CNOT11: variants seen among roughly 807,000 people sequenced by gnomAD.
CNOT11 encodes the protein UPF0760 protein C2orf29.
CNOT11 carries 18 observed loss-of-function variants against 44.6 expected under a neutral mutation model. The ratio of observed to expected loss-of-function variants is 0.40; its 90% CI spans 0.28 to 0.60. The LOEUF (loss-of-function observed/expected upper bound fraction) is 0.60, where lower values mean the gene tolerates loss of function less well. Ranked by LOEUF, CNOT11 falls within the 20% of genes least tolerant of loss-of-function variation. The probability of loss-of-function intolerance (pLI) is 0.38; values close to 1 mark genes in which losing one functional copy is unlikely to be tolerated. For synonymous variants in CNOT11, 291 were observed against 270.9 expected (o/e 1.07, Z -0.73); for missense variants, 513 against 677.0 (o/e 0.76, Z 2.69).
Position 101,269,684 on chromosome 2 carries a change from GTTTC to G in CNOT11, c.*275_*278del, listed in dbSNP as rs1051757047. 5.3e-5 allele frequency: 16 copies of G among 300,858 alleles called. No homozygotes were observed. Among genetic ancestry groups the G allele is most frequent in the African/African-American group, 2.4e-4 (11 of 46,168 alleles). 18.6% of individuals were successfully genotyped at this position (300,858 alleles called of 1,614,324 possible). ...AAAAGTTCCGCAAAAAAGTAGATGA[GTTTC>G]TTTTTTTTTTAAGCACTAAAGAACA... On this transcript the variant is annotated 3_prime_UTR_variant, in exon 7 of 7. Coordinates refer to ENST00000289382, the MANE Select transcript of CNOT11 (RefSeq NM_017546.5). This position sits in a 1 kb window ranked among gnomAD's most constrained non-coding sequence, Gnocchi z 4.8.
chr2:101,257,770 G>A (rs370825135), intron 1 of CNOT11, 21 bp from the exon 2 acceptor site: 44 of 1,595,760 alleles, frequency 2.8e-5, no homozygotes, highest in African/African-American at 2.2e-4. Context: ...TGGAGAAATC[G>A]TTATACATTT....
At chr2:101,254,357 G>T (rs1273773118) in intron 1 of CNOT11, among the ~76,000 whole-genome samples, 13 of 152,252 alleles carry the variant, frequency 8.5e-5, no homozygotes, top group African/African-American at 2.9e-4. Flanking sequence ...AGTAGATTTT[G>T]AAGTAACACC....
chr2:101,256,272 G>A (rs1177639812), intron 1 of CNOT11, among the ~76,000 whole-genome samples: 2 of 152,188 alleles, frequency 1.3e-5, no homozygotes, highest in African/African-American at 2.4e-5. Context: ...TTGTAATGGT[G>A]TAGAAATCTG....
At chr2:101,256,136 C>CA (rs34000200) in intron 1 of CNOT11, among the ~76,000 whole-genome samples, 62,182 of 138,422 alleles carry the variant, frequency 0.45, 13,437 homozygotes, top group South Asian at 0.53. Flanking sequence ...GAGACTGCCT[C>CA]AAAAAAAAAA....
intron 5 of CNOT11, 27 bp downstream of exon 5, chr2:101,266,906 G>C: frequency 1.3e-6 from 2 of 1,553,336 alleles, no homozygotes; most frequent in Non-Finnish European, 1.8e-6. Context: ...GATCAAATGT[G>C]TGGGGATAGA....
intron 5 of CNOT11, among the ~76,000 whole-genome samples, chr2:101,268,587 T>C (rs923308109): frequency 2.0e-5 from 3 of 152,196 alleles, no homozygotes; most frequent in African/African-American, 7.2e-5. Flanking sequence ...GAAAAAAGTT[T>C]TGAGGTCTGT....
intron 1 of CNOT11, among the ~76,000 whole-genome samples, chr2:101,256,013 C>T (rs1169879843): frequency 3.3e-5 from 5 of 152,034 alleles, no homozygotes; most frequent in Admixed American, 6.6e-5. Flanking sequence ...ATGGTGCACT[C>T]CTGTAATCCC....
At chr2:101,255,494 CAAA>C (rs200722137) in intron 1 of CNOT11, among the ~76,000 whole-genome samples, 2 of 132,218 alleles carry the variant, frequency 1.5e-5, no homozygotes. Context: ...GACTCCGTCT[CAAA>C]AAAAAAAAAA....
At chr2:101,254,234 A>G (rs188577895) in intron 1 of CNOT11, among the ~76,000 whole-genome samples, 335 of 152,292 alleles carry the variant, frequency 2.2e-3, no homozygotes, top group Admixed American at 4.4e-3. Flanking sequence ...CGGGACCTGA[A>G]GGATTTAGGA....
chr2:101,255,011 A>G (rs1681707270), intron 1 of CNOT11, among the ~76,000 whole-genome samples: 2 of 152,212 alleles, frequency 1.3e-5, no homozygotes, highest in Admixed American at 1.3e-4. Context: ...TCTCATGTAC[A>G]GTGAATCTAA....
In CNOT11 at chr2:101,262,585, T is replaced by G; in HGVS notation, c.726T>G (p.Ser242Arg). The change falls in exon 3 of 7, where the codon AGT (serine) becomes AGG (arginine). Residue 242 changes from serine (S) to arginine (R), a missense_variant. Physicochemically the swap from Ser to Arg is moderately radical, Grantham distance 110. This residue lies in a region of CNOT11 where 140 missense variants were observed against 169.8 expected (regional missense o/e 0.82). Coordinates refer to ENST00000289382, the MANE Select transcript of CNOT11 (RefSeq NM_017546.5). ...LPTQSKASFPSILSDPDPDSS... is the reference protein window; with the variant it reads ...LPTQSKASFPRILSDPDPDSS... ...CGCAAAGCAAAGCGAGCTTCCCCAGTATTCTCAGTGACCCAGACCCGGATT... is the reference window on the plus strand; with the variant it reads ...CGCAAAGCAAAGCGAGCTTCCCCAGGATTCTCAGTGACCCAGACCCGGATT... 1 of 1,614,162 alleles carries G rather than the reference T, an allele frequency of 6.2e-7. No homozygotes were observed. Among genetic ancestry groups the G allele is most frequent in the Admixed American group, 1.7e-5 (1 of 60,028 alleles).
rs781137934 is a variant in CNOT11, at chr2:101,269,152, G to A, written c.1335+16G>A. ...ATATATGCAGGTAATATAAATTTTT[G>A]TAAATTTTATAAATGGCTGCCAGGA... On this transcript the variant is annotated intron_variant, in intron 6 of 6. Coordinates refer to ENST00000289382, the MANE Select transcript of CNOT11 (RefSeq NM_017546.5). The surrounding 1 kb of genome is among the most constrained non-coding windows in gnomAD (Gnocchi z 4.8). The A allele has an allele frequency of 1.3e-5, 21 of 1,596,384 alleles. No homozygotes were observed. The East Asian group carries it at 4.2e-4, about 32-fold the overall frequency.
chr2:101,269,190 TAACA>T lies in CNOT11; in HGVS notation c.1336-25_1336-22del. The T allele has an allele frequency of 6.2e-7, 1 of 1,606,116 alleles. No homozygotes were observed. The highest frequency in any genetic ancestry group is 8.5e-7 in the Non-Finnish European group (1 of 1,175,694). On this transcript the variant is annotated intron_variant, in intron 6 of 6. Transcript: ENST00000289382. This position sits in a 1 kb window ranked among gnomAD's most constrained non-coding sequence, Gnocchi z 4.8. ...ATGGCTGCCAGGAAAATGAGCAGAC[TAACA>T]TTTTTTTTTTTCCTTTTTCAGAATC...
At chr2:101,259,897 A>G (rs1681814211) in intron 2 of CNOT11, among the ~76,000 whole-genome samples, 1 of 151,904 alleles carries the variant, frequency 6.6e-6, no homozygotes, top group Non-Finnish European at 1.5e-5. Context: ...AAAAATAAAA[A>G]TTACCTGGGT....
intron 3 of CNOT11, 72 bp from the exon 4 acceptor site, chr2:101,264,773 T>TTA (rs1263733323): frequency 2.5e-6 from 3 of 1,187,158 alleles, no homozygotes; most frequent in Non-Finnish European, 3.7e-6. Flanking sequence ...CATACTTTAT[T>TTA]AAGTGAAATG....
chr2:101,255,358 G>A (rs890053608), intron 1 of CNOT11, among the ~76,000 whole-genome samples: 3 of 152,128 alleles, frequency 2.0e-5, no homozygotes, highest in African/African-American at 4.8e-5. Flanking sequence ...AGCCGGGCGC[G>A]GTGGCGGGCG....
intron 2 of CNOT11, among the ~76,000 whole-genome samples, chr2:101,260,349 C>T (rs932338815): frequency 2.0e-5 from 3 of 151,774 alleles, no homozygotes; most frequent in African/African-American, 4.8e-5. Context: ...CACATCTGAC[C>T]TTCCTTTTAA....
chr2:101,266,144 G>A (rs890379102), intron 4 of CNOT11, among the ~76,000 whole-genome samples: 2 of 152,160 alleles, frequency 1.3e-5, no homozygotes, highest in African/African-American at 4.8e-5. Flanking sequence ...CAAAGTGTGG[G>A]TGTGACTTGA....
chr2:101,258,266 A>C (rs890731740), intron 2 of CNOT11, among the ~76,000 whole-genome samples: 2 of 151,924 alleles, frequency 1.3e-5, no homozygotes, highest in African/African-American at 4.8e-5. Context: ...ATGGTGGTGC[A>C]GCACGCCTGT....
Sources: allele counts gnomAD v4.1 joint callset (sites outside exome capture counted in the v4.1 genomes callset), GRCh38; gene constraint gnomAD v4.1.1; regional missense constraint gnomAD v4.1.1; non-coding constraint Gnocchi (gnomAD v3.1); transcripts MANE v1.5; gene names NCBI Gene and HGNC (gene_info 2026-07-23, HGNC 2026-07-21).